Variants in CAMK4 observed in about 807,000 individuals in gnomAD.
CAMK4 encodes the protein calcium/calmodulin-dependent protein kinase type IV.
A neutral mutation model predicts 44.9 loss-of-function variants in CAMK4; 22 were observed. The ratio of observed to expected loss-of-function variants is 0.49; its 90% confidence interval spans 0.35 to 0.70. The LOEUF (loss-of-function observed/expected upper bound fraction) is 0.70. Among genes scored for constraint, CAMK4 ranks in the 30% least tolerant of loss-of-function variants. CAMK4 has a pLI of 0.01. For missense variants in CAMK4, 498 were observed against 586.8 expected, an observed-to-expected ratio of 0.85 and a Z score of 1.56; for synonymous variants, 218 against 215.4, an observed-to-expected ratio of 1.01 and a Z score of -0.11.
chr5:111,446,017 C>T (rs1754015844), intron 5 of CAMK4, among the ~76,000 whole-genome samples: 1 of 152,100 alleles, frequency 6.6e-6, no homozygotes, highest in African/African-American at 2.4e-5. Flanking sequence ...TGCATGTATG[C>T]TTATACGTGA....
chr5:111,397,541 G>A (rs774998435), intron 5 of CAMK4, among the ~76,000 whole-genome samples: 15 of 152,036 alleles, frequency 9.9e-5, no homozygotes, highest in Non-Finnish European at 1.9e-4. Context: ...ACACTTACAT[G>A]TACTTTTCTA....
chr5:111,437,558 A>G (rs1409944072), intron 5 of CAMK4, among the ~76,000 whole-genome samples: 2 of 152,212 alleles, frequency 1.3e-5, no homozygotes, highest in Non-Finnish European at 2.9e-5. Context: ...AAAAATAGGC[A>G]GCATCAATGA....
At chr5:111,342,244 T>G (rs921644479) in intron 1 of CAMK4, among the ~76,000 whole-genome samples, 3 of 151,430 alleles carry the variant, frequency 2.0e-5, no homozygotes, top group Admixed American at 1.3e-4. Context: ...TATTTATGGA[T>G]TTTTTATTTC....
chr5:111,443,297 C>T (rs1226088122), intron 5 of CAMK4, among the ~76,000 whole-genome samples: 247 of 136,622 alleles, frequency 1.8e-3, no homozygotes, highest in Admixed American at 3.8e-3. Flanking sequence ...CACACACACA[C>T]ACACACACAC....
Position 111,344,080 on chromosome 5 carries a change from C to T in CAMK4, c.218C>T (p.Ala73Val). ...CKQKGTQKPY[A>V]LKVLKKTVDK... ...CAGAAGGGGACCCAGAAGCCTTATG[C>T]TCTCAAAGTGTTAAAGAAAACAGTA... The change falls in exon 2 of 11, where the codon GCT (alanine) becomes GTT (valine). Residue 73 changes from alanine to valine, a missense_variant. Ala to Val is a moderately conservative substitution (Grantham distance 64). This residue lies in a region of CAMK4 where 152 missense variants were observed against 143.7 expected (regional missense o/e 1.06). Coordinates refer to ENST00000282356, the MANE Select transcript of CAMK4 (RefSeq NM_001744.6). 2 of 1,602,780 alleles carry T rather than the reference C, an allele frequency of 1.2e-6. No individual in the cohort carries two copies.
intron 1 of CAMK4, among the ~76,000 whole-genome samples, chr5:111,264,524 G>A (rs184867861): frequency 1.5e-4 from 23 of 152,224 alleles, no homozygotes; most frequent in South Asian, 4.1e-4. Context: ...ATTCAGTGTC[G>A]TTTGTCAGTG....
In CAMK4 at chr5:111,224,854, G is replaced by A. The variant is rs1748109538; in HGVS notation, c.161+210G>A. On this transcript the variant is annotated intron_variant, in intron 1 of 10. Coordinates refer to ENST00000282356, the MANE Select transcript of CAMK4 (RefSeq NM_001744.6). The surrounding 1 kb of genome is among the most constrained non-coding windows in gnomAD (Gnocchi z 5.7). ...AGCGCCTAGGCCGGTGCAGCTGTAG[G>A]ATCAGCCCGACTCCCTCCCACCTTC... is the stretch of plus-strand genomic sequence containing the variant. 1.3e-5 allele frequency among the ~76,000 whole-genome samples: 2 copies of A among 152,062 alleles called. No individual in the cohort carries two copies. Among genetic ancestry groups the A allele is most frequent in the African/African-American group, 4.8e-5 (2 of 41,412 alleles).
chr5:111,484,449 A>T lies in CAMK4; in HGVS notation c.1405A>T (p.Ile469Phe). ...TTTTGAAGTTCCACAGCAAGATGTG[A>T]TCCTGCCAGAGTACTAAACAGCTTC... is the stretch of plus-strand genomic sequence containing the variant. ...VGFEVPQQDV[I>F]LPEY The change falls in exon 11 of 11, where the codon ATC (isoleucine) becomes TTC (phenylalanine). Residue 469 changes from isoleucine (I) to phenylalanine (F), a missense_variant. By Grantham distance (21) the Ile-to-Phe change is conservative. This residue lies in a region of CAMK4 where 143 missense variants were observed against 144.9 expected (regional missense o/e 0.99). Transcript: ENST00000282356. The surrounding 1 kb of genome is among the most constrained non-coding windows in gnomAD (Gnocchi z 5.3). 6.6e-7 allele frequency: 1 copy of T among 1,520,652 alleles called. No homozygotes were observed. The highest frequency in any genetic ancestry group is 8.8e-7 in the Non-Finnish European group (1 of 1,135,550). The allele number at this position is 1,520,652 out of a possible 1,614,324, so 94.2% of individuals were successfully genotyped here. A position where few individuals can be genotyped will look rare whatever the true frequency, so the allele number is the denominator to read the frequency against.
chr5:111,252,035 G>A (rs185135202), intron 1 of CAMK4, among the ~76,000 whole-genome samples: 3 of 152,266 alleles, frequency 2.0e-5, no homozygotes, highest in African/African-American at 7.2e-5. Context: ...TTCTGGAGTC[G>A]TGTTAGCATA....
In CAMK4 at chr5:111,281,915, G is replaced by A. The variant is rs916910124; in HGVS notation, c.161+57271G>A. Among the ~76,000 whole-genome samples the A allele has an allele frequency of 2.5e-4, 38 of 151,824 alleles. No homozygotes were observed. The Middle Eastern group carries it at 0.01, about 41-fold the overall frequency. ...CTACTAAAAATACAAAAAATTAGCC[G>A]GGCGAGGTGGCGGGCGCCTGTAGTC... On this transcript the variant is annotated intron_variant, in intron 1 of 10. Transcript: ENST00000282356.
intron 7 of CAMK4, among the ~76,000 whole-genome samples, chr5:111,454,647 C>CAAAAAAAAAAAAAAAAAAAAAAAAAAAA (rs66917170): frequency 8.7e-6 from 1 of 114,614 alleles, no homozygotes; most frequent in Admixed American, 8.8e-5. Context: ...GTCACACAGA[C>CAAAAAAAAAAAAAAAAAAAAAAAAAAAA]AAAAAAAAAA....
chr5:111,401,130 TCTCTC>T (rs1411375517), intron 5 of CAMK4, among the ~76,000 whole-genome samples: 2 of 152,182 alleles, frequency 1.3e-5, no homozygotes, highest in African/African-American at 4.8e-5. Context: ...GCTCTGCTCT[TCTCTC>T]TTCTCTTCTC....
chr5:111,318,326 A>C lies in CAMK4; in HGVS notation c.162-25698A>C, dbSNP rs78221149. The stretch of plus-strand genomic sequence containing the variant: ...TGTAGTACCCCTGTGCCTGTCCCAT[A>C]ATTTGTCAGGTAATAAAATCCCAGA... On this transcript the variant is annotated intron_variant, in intron 1 of 10. Transcript: ENST00000282356. Among the ~76,000 whole-genome samples, 24 of 152,268 alleles carry C rather than the reference A, an allele frequency of 1.6e-4. 1 individual carries two copies. In the South Asian group the frequency reaches 4.8e-3, roughly 30 times the overall value.
Position 111,350,443 on chromosome 5 carries a change from A to G in CAMK4, c.240+6341A>G, listed in dbSNP as rs116543314. ...CTTTTGAAATTACTGCTGAAAATGG[A>G]TACATATTCTCTTATTGCTATCAAT... is the stretch of plus-strand genomic sequence containing the variant. On this transcript the variant is annotated intron_variant, in intron 2 of 10. Coordinates refer to ENST00000282356, the MANE Select transcript of CAMK4 (RefSeq NM_001744.6). Among the ~76,000 whole-genome samples the G allele has an allele frequency of 4.0e-3, 616 of 152,168 alleles. 7 individuals carry two copies. Among genetic ancestry groups the G allele is most frequent in the African/African-American group, 0.014 (593 of 41,536 alleles).
At chr5:111,384,727 CT>C (rs1751538041) in intron 4 of CAMK4, among the ~76,000 whole-genome samples, 2 of 152,182 alleles carry the variant, frequency 1.3e-5, no homozygotes, top group South Asian at 4.1e-4. Flanking sequence ...TTTCCCAGTG[CT>C]TCTGCCCTGT....
intron 10 of CAMK4, among the ~76,000 whole-genome samples, chr5:111,483,236 T>C (rs547877986): frequency 6.6e-6 from 1 of 152,178 alleles, no homozygotes; most frequent in Non-Finnish European, 1.5e-5. Context: ...TTAAACAGCA[T>C]TGTTCAGGGA....
At chr5:111,268,998 C>G (rs1750382779) in intron 1 of CAMK4, among the ~76,000 whole-genome samples, 1 of 152,064 alleles carries the variant, frequency 6.6e-6, no homozygotes, top group South Asian at 2.1e-4. Context: ...GCAGGGAAGA[C>G]TTTTTGGTGA....
chr5:111,402,943 G>A (rs306097), intron 5 of CAMK4, among the ~76,000 whole-genome samples: 139,611 of 152,260 alleles, frequency 0.92, 64,112 homozygotes, highest in East Asian at 0.99. Context: ...GTTTCTCAAT[G>A]TTTCGGTTTT....
intron 1 of CAMK4, among the ~76,000 whole-genome samples, chr5:111,258,842 T>A (rs1749856533): frequency 6.6e-6 from 1 of 151,148 alleles, no homozygotes. Context: ...GTTTAACACT[T>A]AAGAAAAATC....
Sources: allele counts gnomAD v4.1 joint callset (sites outside exome capture counted in the v4.1 genomes callset), GRCh38; gene constraint gnomAD v4.1.1; regional missense constraint gnomAD v4.1.1; non-coding constraint Gnocchi (gnomAD v3.1); transcripts MANE v1.5; gene names NCBI Gene and HGNC (gene_info 2026-07-23, HGNC 2026-07-21).